AGAP1: variants seen among roughly 807,000 people sequenced by gnomAD.
The protein encoded by AGAP1 is ArfGAP with GTPase domain, ankyrin repeat and PH domain 1, also known as arf-GAP with GTPase, ANK repeat and PH domain-containing protein 1.
A neutral mutation model predicts 105.3 loss-of-function variants in AGAP1; 29 were observed. That is an observed-to-expected ratio of 0.28 (90% CI 0.21 to 0.38). AGAP1 has a LOEUF of 0.38. Ranked by LOEUF, AGAP1 falls within the 10% of genes least tolerant of loss-of-function variation. The probability of loss-of-function intolerance (pLI) is 1.00; values close to 1 mark genes in which losing one functional copy is unlikely to be tolerated. For missense variants in AGAP1, 998 were observed against 1,165.1 expected, an observed-to-expected ratio of 0.86 and a Z score of 2.09; for synonymous variants, 509 against 485.9, an observed-to-expected ratio of 1.05 and a Z score of -0.63.
chr2:235,863,716 G>A (rs1383672090), intron 9 of AGAP1, among the ~76,000 whole-genome samples: 1 of 152,224 alleles, frequency 6.6e-6, no homozygotes, highest in Non-Finnish European at 1.5e-5. Flanking sequence ...CAGCAGCATG[G>A]GAGAAAGCCC....
In AGAP1 at chr2:235,664,519, G is replaced by C. The variant is rs568870816; in HGVS notation, c.164-44660G>C. 5.0e-4 allele frequency among the ~76,000 whole-genome samples: 76 copies of C among 152,250 alleles called. No individual in the cohort carries two copies. The highest frequency in any genetic ancestry group is 2.1e-4 in the Non-Finnish European group (14 of 68,014). ...AAGCATGAGCCACCACACTTGGCCT[G>C]ATTTAATATCTTAAGTCACCTTTGC... On this transcript the variant is annotated intron_variant, in intron 1 of 17. Transcript: ENST00000304032. The surrounding 1 kb of genome is among the most constrained non-coding windows in gnomAD (Gnocchi z 5.7).
chr2:235,669,659 G>T (rs112660789), intron 1 of AGAP1: 3 of 144,084 alleles, frequency 2.1e-5, no homozygotes, highest in African/African-American at 4.9e-5. Context: ...CCCTTCGGCC[G>T]CAGCCGGTGC....
Position 236,121,441 on chromosome 2 carries a change from C to T in AGAP1, c.2370+994C>T, listed in dbSNP as rs952552132. On this transcript the variant is annotated intron_variant, in intron 17 of 17. Coordinates refer to ENST00000304032, the MANE Select transcript of AGAP1 (RefSeq NM_001037131.3). This position sits in a 1 kb window ranked among gnomAD's most constrained non-coding sequence, Gnocchi z 4.9. ...TCAGCCTCCCAGGAAGCTGGGATTACAGGTGCGCACCACCACGCCCAGCTA... is the reference window on the plus strand; with the variant it reads ...TCAGCCTCCCAGGAAGCTGGGATTATAGGTGCGCACCACCACGCCCAGCTA... Among the ~76,000 whole-genome samples, 6 of 152,166 alleles carry T rather than the reference C, an allele frequency of 3.9e-5. No homozygotes were observed. The highest frequency in any genetic ancestry group is 8.8e-5 in the Non-Finnish European group (6 of 68,032).
At chr2:235,861,821 C>T (rs1350221802) in intron 9 of AGAP1, among the ~76,000 whole-genome samples, 1 of 152,236 alleles carries the variant, frequency 6.6e-6, no homozygotes, top group Non-Finnish European at 1.5e-5. Flanking sequence ...TTACCTCCAT[C>T]TGGTCACTAG....
intron 9 of AGAP1, among the ~76,000 whole-genome samples, chr2:235,838,083 C>A (rs1009806616): frequency 6.6e-6 from 1 of 152,144 alleles, no homozygotes; most frequent in Non-Finnish European, 1.5e-5. Flanking sequence ...CTACTTGGGA[C>A]ACTGAAGCAA....
At chr2:235,949,418 G>A (rs554368155) in intron 12 of AGAP1, among the ~76,000 whole-genome samples, 1 of 152,104 alleles carries the variant, frequency 6.6e-6, no homozygotes, top group Admixed American at 6.5e-5. Context: ...TGGCCAGGGG[G>A]TGCTCTTCCC....
At chr2:235,915,009 A>G (rs2051802630) in intron 11 of AGAP1, among the ~76,000 whole-genome samples, 1 of 152,110 alleles carries the variant, frequency 6.6e-6, no homozygotes, top group Non-Finnish European at 1.5e-5. Context: ...AGAAATGGAG[A>G]GGCAAGGCAG....
chr2:235,728,597 G>A lies in AGAP1; in HGVS notation c.310+10953G>A, dbSNP rs139036528. Among the ~76,000 whole-genome samples the A allele has an allele frequency of 3.0e-3, 463 of 152,214 alleles. No individual in the cohort carries two copies. Among genetic ancestry groups the A allele is most frequent in the African/African-American group, 0.01 (430 of 41,524 alleles). On this transcript the variant is annotated intron_variant, in intron 3 of 17. Coordinates refer to ENST00000304032, the MANE Select transcript of AGAP1 (RefSeq NM_001037131.3). The surrounding 1 kb of genome is among the most constrained non-coding windows in gnomAD (Gnocchi z 4.3). ...AGCTGCTGGTGCCTGCCCTGGGTCCGAAAGCTGGTGGTGGTCTGTTCTTGT... is the reference window on the plus strand; with the variant it reads ...AGCTGCTGGTGCCTGCCCTGGGTCCAAAAGCTGGTGGTGGTCTGTTCTTGT...
chr2:235,791,425 T>C (rs1161739257), intron 6 of AGAP1, among the ~76,000 whole-genome samples: 1 of 151,954 alleles, frequency 6.6e-6, no homozygotes, highest in Non-Finnish European at 1.5e-5. Context: ...TTTTCTTTTC[T>C]TTTTTTTGTA....
intron 16 of AGAP1, among the ~76,000 whole-genome samples, chr2:236,054,072 C>A (rs751018268): frequency 6.6e-6 from 1 of 152,296 alleles, no homozygotes; most frequent in Middle Eastern, 3.4e-3. Context: ...CCGTACACTT[C>A]CAGATGGAAC....
rs10188949 is a variant in AGAP1 at position 235,988,877 on chromosome 2, A to G, written c.1645+20254A>G. Among the ~76,000 whole-genome samples the G allele has an allele frequency of 1.5e-3, 223 of 152,234 alleles. No homozygotes were observed. Among genetic ancestry groups the G allele is most frequent in the African/African-American group, 5.1e-3 (210 of 41,536 alleles). On this transcript the variant is annotated intron_variant, in intron 13 of 17. Coordinates refer to ENST00000304032, the MANE Select transcript of AGAP1 (RefSeq NM_001037131.3). This position sits in a 1 kb window ranked among gnomAD's most constrained non-coding sequence, Gnocchi z 4.7. ...CTCATCACTCACATGGTCCCCCAGC[A>G]GGTAACTTGCTTCAGCGCCACTTTG...
At position 235,551,393 on chromosome 2, in the gene AGAP1, C is replaced by T. The variant is rs1943803916; in HGVS notation, c.163+56544C>T. Reference sequence around the variant, plus strand: ...GATCATAGCTCACTGCAGCCTCAACCTCCCCAGGCTCAGGTCGTCCTCCCA... The same window carrying T: ...GATCATAGCTCACTGCAGCCTCAACTTCCCCAGGCTCAGGTCGTCCTCCCA... On this transcript the variant is annotated intron_variant, in intron 1 of 17. Coordinates refer to ENST00000304032, the MANE Select transcript of AGAP1 (RefSeq NM_001037131.3). This position sits in a 1 kb window ranked among gnomAD's most constrained non-coding sequence, Gnocchi z 4.8. Among the ~76,000 whole-genome samples, 2 of 152,088 alleles carry T rather than the reference C, an allele frequency of 1.3e-5. No homozygotes were observed. The highest frequency in any genetic ancestry group is 6.5e-5 in the Admixed American group (1 of 15,278).
At position 235,957,492 on chromosome 2, in the gene AGAP1, C is replaced by T. The variant is rs955240346; in HGVS notation, c.1484-10970C>T. Among the ~76,000 whole-genome samples the T allele has an allele frequency of 1.3e-5, 2 of 152,130 alleles. No homozygotes were observed. Among genetic ancestry groups the T allele is most frequent in the East Asian group, 1.9e-4 (1 of 5,196 alleles). On this transcript the variant is annotated intron_variant, in intron 12 of 17. Coordinates refer to ENST00000304032, the MANE Select transcript of AGAP1 (RefSeq NM_001037131.3). The surrounding 1 kb of genome is among the most constrained non-coding windows in gnomAD (Gnocchi z 4.6). ...CTGACATTGTGTACCTCTGTGTGAG[C>T]GGCAAAGGGAAAGGGACAATAATGC...
At chr2:235,590,625 T>A (rs1003413564) in intron 1 of AGAP1, among the ~76,000 whole-genome samples, 5 of 151,960 alleles carry the variant, frequency 3.3e-5, no homozygotes, top group African/African-American at 4.8e-5. Context: ...GCCACTCATT[T>A]TTGTTTTTGT....
intron 9 of AGAP1, among the ~76,000 whole-genome samples, chr2:235,881,993 C>CAA (rs1396724450): frequency 6.6e-6 from 1 of 152,030 alleles, no homozygotes; most frequent in African/African-American, 2.4e-5. Context: ...TTCTGCTTTA[C>CAA]AAATATAAGG....
At chr2:235,774,743 C>T (rs2249999) in intron 6 of AGAP1, among the ~76,000 whole-genome samples, 1 of 152,000 alleles carries the variant, frequency 6.6e-6, no homozygotes, top group Non-Finnish European at 1.5e-5. Context: ...TTTTCAATGA[C>T]GTCTCAGAGT....
rs1953388546 is a variant in AGAP1 at position 235,751,041 on chromosome 2, C to G, written c.673+553C>G. ...AGGTTATTTTATTCATTATTGATCA[C>G]CTACCTTCAGGAACAGCCACAAATC... is the stretch of plus-strand genomic sequence containing the variant. On this transcript the variant is annotated intron_variant, in intron 6 of 17. Transcript: ENST00000304032. This position sits in a 1 kb window ranked among gnomAD's most constrained non-coding sequence, Gnocchi z 5.3. Among the ~76,000 whole-genome samples the G allele has an allele frequency of 7.2e-5, 11 of 152,108 alleles. 1 individual carries two copies. Among genetic ancestry groups the G allele is most frequent in the Admixed American group, 7.2e-4 (11 of 15,278 alleles).
At position 235,608,920 on chromosome 2, in the gene AGAP1, C is replaced by G. The variant is rs868582076; in HGVS notation, c.164-100259C>G. Among the ~76,000 whole-genome samples the G allele has an allele frequency of 6.6e-5, 10 of 152,012 alleles. No homozygotes were observed. Among genetic ancestry groups the G allele is most frequent in the African/African-American group, 2.4e-4 (10 of 41,446 alleles). On this transcript the variant is annotated intron_variant, in intron 1 of 17. Transcript: ENST00000304032. This position sits in a 1 kb window ranked among gnomAD's most constrained non-coding sequence, Gnocchi z 5.4. ...TTTCAGCTTGTTCTTGACTTCCCCC[C>G]CATCCCTAATACCCCCAACTATGCA...
chr2:235,993,543 GT>G lies in AGAP1; in HGVS notation c.1645+24924del, dbSNP rs2055663892. ...GATGTATTTCTTTTCTGCAAGTATG[GT>G]TTTGTGTGATAGAAACCAATGCTTC... is the stretch of plus-strand genomic sequence containing the variant. On this transcript the variant is annotated intron_variant, in intron 13 of 17. Transcript: ENST00000304032. The surrounding 1 kb of genome is among the most constrained non-coding windows in gnomAD (Gnocchi z 5.0). 6.6e-6 allele frequency among the ~76,000 whole-genome samples: 1 copy of G among 152,186 alleles called. No individual in the cohort carries two copies. The highest frequency in any genetic ancestry group is 1.5e-5 in the Non-Finnish European group (1 of 68,036).
Sources: allele counts gnomAD v4.1 joint callset (sites outside exome capture counted in the v4.1 genomes callset), GRCh38; gene constraint gnomAD v4.1.1; non-coding constraint Gnocchi (gnomAD v3.1); transcripts MANE v1.5; gene names NCBI Gene and HGNC (gene_info 2026-07-23, HGNC 2026-07-21).